CACNG4: variants seen among roughly 807,000 people sequenced by gnomAD.
CACNG4 encodes calcium voltage-gated channel auxiliary subunit gamma 4, also known as voltage-dependent calcium channel gamma-4 subunit.
Under a neutral mutation model 22.9 loss-of-function variants are expected in CACNG4, and 8 were observed. That is an observed-to-expected ratio of 0.35 (90% confidence interval 0.21 to 0.63). CACNG4 has a LOEUF of 0.63. Ranked by LOEUF, CACNG4 falls within the 30% of genes least tolerant of loss-of-function variation. The probability of loss-of-function intolerance (pLI) is 0.72; values close to 1 mark genes in which losing one functional copy is unlikely to be tolerated. For missense variants in CACNG4, 357 were observed against 455.4 expected (o/e 0.78, Z 1.97); for synonymous variants, 188 against 191.9 (o/e 0.98, Z 0.17).
intron 2 of CACNG4, among the ~76,000 whole-genome samples, chr17:67,022,628 G>A (rs767320398): frequency 3.0e-4 from 45 of 152,248 alleles, no homozygotes; most frequent in Non-Finnish European, 6.2e-4. Flanking sequence ...TGCCTTCAGA[G>A]GAGAGGCTGA....
intron 1 of CACNG4, among the ~76,000 whole-genome samples, chr17:67,017,514 GTTGTTGTTGT>G (rs2035505835): frequency 1.3e-5 from 2 of 150,626 alleles, no homozygotes; most frequent in Admixed American, 6.6e-5. Flanking sequence ...TGTTGTTGTT[GTTGTTGTTGT>G]TTGTTGTTGT....
intron 1 of CACNG4, among the ~76,000 whole-genome samples, chr17:66,968,917 GTGTGCTAGAC>G (rs1319588193): frequency 2.0e-5 from 3 of 149,934 alleles, no homozygotes; most frequent in Non-Finnish European, 1.5e-5. Flanking sequence ...TCCTTCCACT[GTGTGCTAGAC>G]TGGTCACCAC....
At chr17:67,001,864 TG>T (rs2035410125) in intron 1 of CACNG4, among the ~76,000 whole-genome samples, 1 of 152,206 alleles carries the variant, frequency 6.6e-6, no homozygotes, top group African/African-American at 2.4e-5. Flanking sequence ...GGCAGGATGT[TG>T]GGTGCCATGG....
At chr17:67,004,257 G>A (rs2035424486) in intron 1 of CACNG4, among the ~76,000 whole-genome samples, 1 of 152,240 alleles carries the variant, frequency 6.6e-6, no homozygotes, top group African/African-American at 2.4e-5. Context: ...ATTCCCCTGT[G>A]TTAGGAGAGA....
chr17:67,029,388 T>TTG (rs2035587290), intron 3 of CACNG4, among the ~76,000 whole-genome samples: 1 of 151,528 alleles, frequency 6.6e-6, no homozygotes, highest in African/African-American at 2.4e-5. Context: ...TCCCAGCCCT[T>TTG]TGGGAGGCCG....
chr17:66,976,636 ATCCCTGAGTCC>A (rs1372917842), intron 1 of CACNG4, among the ~76,000 whole-genome samples: 3 of 148,860 alleles, frequency 2.0e-5, no homozygotes, highest in Middle Eastern at 6.8e-3. Context: ...TCTTCTTTCT[ATCCCTGAGTCC>A]TCCCTGCCCC....
chr17:66,977,151 C>T (rs562525589), intron 1 of CACNG4, among the ~76,000 whole-genome samples: 77 of 152,322 alleles, frequency 5.1e-4, no homozygotes, highest in African/African-American at 1.3e-3. Flanking sequence ...GCTGTAGAGT[C>T]CTGACTGGTC....
chr17:66,972,550 T>C (rs1347326915), intron 1 of CACNG4, among the ~76,000 whole-genome samples: 4 of 152,060 alleles, frequency 2.6e-5, no homozygotes, highest in Non-Finnish European at 5.9e-5. Context: ...GGAAGCATCG[T>C]TTAGGGTTGC....
intron 2 of CACNG4, among the ~76,000 whole-genome samples, chr17:67,019,707 G>T (rs908885379): frequency 3.9e-5 from 6 of 152,212 alleles, no homozygotes; most frequent in Admixed American, 3.3e-4. Flanking sequence ...TGTAAGGAAA[G>T]AGGCATTAGA....
At position 67,031,929 on chromosome 17, in the gene CACNG4, G is replaced by T; in HGVS notation, c.*925G>T. The T allele has an allele frequency of 2.2e-6, 1 of 456,634 alleles. No individual in the cohort carries two copies. Among genetic ancestry groups the T allele is most frequent in the Non-Finnish European group, 4.4e-6 (1 of 226,988 alleles). 28.3% of individuals were successfully genotyped at this position (456,634 alleles called of 1,614,324 possible). ...CTCCAACTGGCATTTGGCAACAGGA[G>T]CCTGGACTTCTGTGCAAGAAAGGGA... On this transcript the variant is annotated 3_prime_UTR_variant, in exon 4 of 4. Transcript: ENST00000262138. The surrounding 1 kb of genome is among the most constrained non-coding windows in gnomAD (Gnocchi z 4.0).
intron 1 of CACNG4, among the ~76,000 whole-genome samples, chr17:66,975,122 C>T (rs1420259718): frequency 6.6e-6 from 1 of 152,192 alleles, no homozygotes; most frequent in Non-Finnish European, 1.5e-5. Context: ...CGCTATCACC[C>T]CATTTCTGAA....
At chr17:66,988,082 C>T (rs2035315428) in intron 1 of CACNG4, among the ~76,000 whole-genome samples, 1 of 151,588 alleles carries the variant, frequency 6.6e-6, no homozygotes, top group Admixed American at 6.6e-5. Flanking sequence ...CACACACACA[C>T]ATGCAACTGC....
intron 1 of CACNG4, among the ~76,000 whole-genome samples, chr17:66,986,134 A>G (rs749418399): frequency 5.3e-5 from 8 of 152,200 alleles, no homozygotes; most frequent in Non-Finnish European, 1.0e-4. Flanking sequence ...ATCTGGTACT[A>G]TCGAAACAGA....
At chr17:67,024,720 G>T in intron 2 of CACNG4, 140 bp from the exon 3 acceptor site, 1 of 966,486 alleles carries the variant, frequency 1.0e-6, no homozygotes, top group Non-Finnish European at 1.4e-6. Context: ...CCCACCTCGA[G>T]TCTCCAGGTC....
rs759660487 is a variant in CACNG4, at chr17:67,030,477, A to G, written c.457A>G (p.Ile153Val). ...CGCTTCCCTTTCAGGCCTCAGTAAC[A>G]TCATCGGTATCATCGTCTACATTTC... ...ILFVAAGLSN[I>V]IGIIVYISSN... The change falls in exon 4 of 4, where the codon ATC (isoleucine) becomes GTC (valine). Residue 153 changes from isoleucine (I) to valine (V), a missense_variant. Physicochemically the swap from Ile to Val is conservative, Grantham distance 29. Around this residue, in one of 3 missense-constraint regions of CACNG4, gnomAD observed 240 missense variants for 277.6 expected, o/e 0.86. Transcript: ENST00000262138. The surrounding 1 kb of genome is among the most constrained non-coding windows in gnomAD (Gnocchi z 6.4). 1 of 1,613,390 alleles carries G rather than the reference A, an allele frequency of 6.2e-7. No individual in the cohort carries two copies. Among genetic ancestry groups the G allele is most frequent in the Non-Finnish European group, 8.5e-7 (1 of 1,179,574 alleles).
chr17:67,025,352 T>TG (rs1272447328), intron 3 of CACNG4, among the ~76,000 whole-genome samples: 1 of 152,024 alleles, frequency 6.6e-6, no homozygotes, highest in South Asian at 2.1e-4. Context: ...AAGTGGTGGG[T>TG]GGGGTTCAGC....
At chr17:67,021,324 C>T (rs548297406) in intron 2 of CACNG4, among the ~76,000 whole-genome samples, 237 of 152,216 alleles carry the variant, frequency 1.6e-3, no homozygotes, top group Admixed American at 5.2e-3. Context: ...TTGGAGAAGG[C>T]AGCAGAAGCT....
intron 3 of CACNG4, among the ~76,000 whole-genome samples, chr17:67,029,392 G>A (rs2035587330): frequency 6.6e-6 from 1 of 152,054 alleles, no homozygotes; most frequent in African/African-American, 2.4e-5. Flanking sequence ...AGCCCTTTGG[G>A]AGGCCGAGGC....
intron 3 of CACNG4, among the ~76,000 whole-genome samples, chr17:67,026,111 ATGTG>A (rs1180515461): frequency 4.9e-5 from 6 of 122,320 alleles, no homozygotes; most frequent in Middle Eastern, 5.0e-3. Context: ...AGAGTGTGGG[ATGTG>A]TGTGTGTATT....
Sources: gnomAD v4.1 joint callset for allele counts (sites outside exome capture counted in the v4.1 genomes callset) on GRCh38, gnomAD v4.1.1 for gene constraint, gnomAD v4.1.1 regional missense constraint, Gnocchi (gnomAD v3.1) non-coding constraint, MANE v1.5 for transcripts, NCBI Gene and HGNC (gene_info 2026-07-23, HGNC 2026-07-21) for gene names.